Variants in ZNF33B observed in about 807,000 individuals in gnomAD.
ZNF33B encodes zinc finger protein 11b (KOX 2).
Under a neutral mutation model 45.8 loss-of-function variants are expected in ZNF33B, and 29 were observed. The observed-to-expected ratio is 0.63, with a 90% CI of 0.47 to 0.86. ZNF33B has a LOEUF of 0.86. ZNF33B is among the 40% of genes least tolerant of loss of function. The probability of loss-of-function intolerance (pLI) is 0.00; values close to 1 mark genes in which losing one functional copy is unlikely to be tolerated. For missense variants in ZNF33B, 831 were observed against 909.9 expected, an observed-to-expected ratio of 0.91 and a Z score of 1.12; for synonymous variants, 305 against 307.8, an observed-to-expected ratio of 0.99 and a Z score of 0.10.
At chr10:42,613,698 CAT>C (rs765290001) in intron 4 of ZNF33B, among the ~76,000 whole-genome samples, 10 of 152,096 alleles carry the variant, frequency 6.6e-5, no homozygotes, top group South Asian at 2.1e-4. Flanking sequence ...AGTATAAACA[CAT>C]GTTTAGCTTA....
At chr10:42,611,924 C>T (rs1838114534) in intron 4 of ZNF33B, among the ~76,000 whole-genome samples, 1 of 152,186 alleles carries the variant, frequency 6.6e-6, no homozygotes, top group South Asian at 2.1e-4. Context: ...CCTTTCCCAT[C>T]TGTATGCCTC....
chr10:42,594,058 C>T lies in ZNF33B; in HGVS notation c.892G>A (p.Val298Met), dbSNP rs150594739. The T allele has an allele frequency of 2.8e-5, 45 of 1,614,090 alleles. No homozygotes were observed. The African/African-American group carries it at 5.5e-4, about 20-fold the overall frequency. Residue 298 changes from valine to methionine, a missense_variant, in exon 5 of 5, where the codon GTG becomes ATG. Physicochemically the swap from Val to Met is conservative, Grantham distance 21. Transcript: ENST00000359467. ...CTTTCACCACAATCATAGTGTTTCA[C>T]AGGTACCCCATCATGTTTAGAAAGG... ...STLSKHDGVP[V>M]KHYDCGESGN... is the part of the protein sequence containing the mutation.
At chr10:42,588,293 T>C (rs1323699348), downstream of ZNF33B, among the ~76,000 whole-genome samples, 2 of 152,174 alleles carry the variant, frequency 1.3e-5, no homozygotes, top group Admixed American at 6.5e-5. Context: ...GGAAGAGATG[T>C]GACACTCACC....
At chr10:42,632,523 T>A in intron 2 of ZNF33B, 84 bp from the exon 3 acceptor site, 16 of 1,514,046 alleles carry the variant, frequency 1.1e-5, no homozygotes, top group Non-Finnish European at 1.4e-5. Flanking sequence ...ATATTTGTTT[T>A]GCTTTATACT....
At chr10:42,617,738 A>T (rs183021672) in intron 4 of ZNF33B, among the ~76,000 whole-genome samples, 17 of 152,278 alleles carry the variant, frequency 1.1e-4, no homozygotes, top group Admixed American at 3.9e-4. Flanking sequence ...GGCAACCACG[A>T]ATCTGTTCTC....
chr10:42,627,612 C>A (rs1283988279), intron 4 of ZNF33B, among the ~76,000 whole-genome samples: 1 of 152,072 alleles, frequency 6.6e-6, no homozygotes, highest in African/African-American at 2.4e-5. Context: ...GGTAGAAAGT[C>A]AATTATGGGT....
At chr10:42,579,876 T>C (rs1482002306) in intron 1 of ZNF33B, 2 of 154,384 alleles carry the variant, frequency 1.3e-5, no homozygotes, top group Non-Finnish European at 2.9e-5. Flanking sequence ...TGTATTTCCA[T>C]TTCATTTCCT....
chr10:42,607,195 G>A (rs1837898988), intron 4 of ZNF33B, among the ~76,000 whole-genome samples: 2 of 152,142 alleles, frequency 1.3e-5, no homozygotes, highest in South Asian at 4.1e-4. Flanking sequence ...TAAGGTAGTA[G>A]AAATCTGAAG....
At chr10:42,618,484 T>C (rs1231172988) in intron 4 of ZNF33B, among the ~76,000 whole-genome samples, 1 of 152,248 alleles carries the variant, frequency 6.6e-6, no homozygotes, top group Admixed American at 6.5e-5. Context: ...AGTTTGTTTT[T>C]AGTTTTAAAT....
At chr10:42,575,027 A>G (rs768856975) in intron 1 of ZNF33B, among the ~76,000 whole-genome samples, 10 of 152,144 alleles carry the variant, frequency 6.6e-5, no homozygotes, top group African/African-American at 1.2e-4. Context: ...TGTCTCCCAT[A>G]ATGTACATTT....
chr10:42,632,011 G>C lies in ZNF33B; in HGVS notation c.168C>G (p.His56Gln). ...CCAGCCTGAAGATCACCTCTGGTTT[G>C]TGAGCACAATACCCTGTTAACAGGA... ...SNLVSVGYCA[H>Q]KPEVIFRLEQ... The change falls in exon 4 of 5, where the codon CAC becomes CAG. Residue 56 changes from histidine (H) to glutamine (Q), a missense_variant. By Grantham distance (24) the His-to-Gln change is conservative. Coordinates refer to ENST00000359467, the MANE Select transcript of ZNF33B (RefSeq NM_006955.3). 1.2e-6 allele frequency: 2 copies of C among 1,614,102 alleles called. No homozygotes were observed. Among genetic ancestry groups the C allele is most frequent in the Non-Finnish European group, 1.7e-6 (2 of 1,180,000 alleles).
At chr10:42,584,218 T>TA (rs1432845282), downstream of ZNF33B, among the ~76,000 whole-genome samples, 2 of 152,216 alleles carry the variant, frequency 1.3e-5, no homozygotes, top group Non-Finnish European at 2.9e-5. Context: ...CTCACCCACT[T>TA]AGTCTCGTTT....
chr10:42,584,672 C>G (rs182116048), downstream of ZNF33B, among the ~76,000 whole-genome samples: 524 of 152,280 alleles, frequency 3.4e-3, 2 homozygotes, highest in Middle Eastern at 0.01. Flanking sequence ...AGGCACCCAC[C>G]ACCATGTCCT....
chr10:42,632,201 C>T (rs1246907684), intron 3 of ZNF33B, 94 bp downstream of exon 3: 2 of 1,540,612 alleles, frequency 1.3e-6, no homozygotes, highest in African/African-American at 2.8e-5. Flanking sequence ...TAACCTAAGC[C>T]TAAATAATGT....
chr10:42,618,124 C>A (rs553601369), intron 4 of ZNF33B, among the ~76,000 whole-genome samples: 1 of 152,282 alleles, frequency 6.6e-6, no homozygotes, highest in East Asian at 1.9e-4. Flanking sequence ...GATATCATTA[C>A]CAGTTTTGAT....
At chr10:42,615,995 C>T (rs1444929717) in intron 4 of ZNF33B, among the ~76,000 whole-genome samples, 2 of 148,838 alleles carry the variant, frequency 1.3e-5, no homozygotes, top group Admixed American at 6.7e-5. Flanking sequence ...GGCTGAGGTG[C>T]GTGGATAATC....
intron 4 of ZNF33B, among the ~76,000 whole-genome samples, chr10:42,621,405 A>AACACAC (rs1332418879): frequency 1.3e-5 from 2 of 151,956 alleles, no homozygotes; most frequent in Non-Finnish European, 2.9e-5. Context: ...AAGCTACACA[A>AACACAC]ACACATACAC....
At chr10:42,636,820 T>C (rs1313914581) in intron 2 of ZNF33B, 100 bp downstream of exon 2, 1 of 1,542,636 alleles carries the variant, frequency 6.5e-7, no homozygotes, top group African/African-American at 1.4e-5. Flanking sequence ...AGAGCGAGAC[T>C]CCATGTCACA....
chr10:42,603,821 C>T (rs1201679397), intron 4 of ZNF33B, among the ~76,000 whole-genome samples: 2 of 152,176 alleles, frequency 1.3e-5, no homozygotes, highest in Non-Finnish European at 2.9e-5. Context: ...ACACCACTGC[C>T]ATGCTAAAGA....
Sources: gnomAD v4.1 joint callset for allele counts (sites outside exome capture counted in the v4.1 genomes callset) on GRCh38, gnomAD v4.1.1 for gene constraint, MANE v1.5 for transcripts, NCBI Gene and HGNC (gene_info 2026-07-23, HGNC 2026-07-21) for gene names.